SNX29: variants seen among roughly 807,000 people sequenced by gnomAD.
SNX29 encodes sorting nexin-29.
Under a neutral mutation model 102.1 loss-of-function variants are expected in SNX29, and 78 were observed. The observed-to-expected ratio is 0.76, with a 90% CI of 0.64 to 0.92. SNX29 has a LOEUF of 0.92. Among genes scored for constraint, SNX29 ranks in the 40% least tolerant of loss-of-function variants. The pLI, the probability that SNX29 is intolerant of heterozygous loss-of-function variation, is 0.00. For synonymous variants in SNX29, 580 were observed against 414.5 expected (o/e 1.40, Z -4.85); for missense variants, 1,280 against 1,061.7 (o/e 1.21, Z -2.86).
At chr16:12,554,883 A>C (rs1244760141) in intron 20 of SNX29, among the ~76,000 whole-genome samples, 1 of 152,180 alleles carries the variant, frequency 6.6e-6, no homozygotes, top group Non-Finnish European at 1.5e-5. Flanking sequence ...ATATGTCAGC[A>C]TGCCATACAG....
chr16:12,055,138 G>T (rs1163653437), intron 8 of SNX29, among the ~76,000 whole-genome samples: 7 of 151,918 alleles, frequency 4.6e-5, no homozygotes. Flanking sequence ...GATGTGTGTA[G>T]TTCCTTCTCT....
At chr16:12,074,684 T>C (rs939300082) in intron 10 of SNX29, among the ~76,000 whole-genome samples, 3 of 152,166 alleles carry the variant, frequency 2.0e-5, no homozygotes, top group Non-Finnish European at 2.9e-5. Flanking sequence ...TGGCGTTCTC[T>C]GTATTTCCTG....
chr16:12,270,392 A>G (rs1030769798), intron 14 of SNX29, among the ~76,000 whole-genome samples: 4 of 152,210 alleles, frequency 2.6e-5, no homozygotes, highest in Non-Finnish European at 5.9e-5. Context: ...GACGTTACTC[A>G]GACTTTAATT....
At chr16:12,180,014 T>G (rs1352047704) in intron 13 of SNX29, among the ~76,000 whole-genome samples, 1 of 152,334 alleles carries the variant, frequency 6.6e-6, no homozygotes, top group African/African-American at 2.4e-5. Context: ...ATGTGGAACT[T>G]CGGGTCTCTT....
At chr16:12,310,053 C>A (rs1246649634) in intron 15 of SNX29, among the ~76,000 whole-genome samples, 1 of 152,160 alleles carries the variant, frequency 6.6e-6, no homozygotes, top group East Asian at 1.9e-4. Context: ...CATATGTACA[C>A]ACACGCATGC....
At chr16:12,043,119 G>T in intron 5 of SNX29, 42 bp downstream of exon 5, 21 of 1,605,846 alleles carry the variant, frequency 1.3e-5, no homozygotes, top group African/African-American at 2.7e-5. Flanking sequence ...TGGAGCAAGA[G>T]GTGAAGATCT....
chr16:12,549,978 C>T (rs867747312), intron 20 of SNX29, among the ~76,000 whole-genome samples: 6 of 152,230 alleles, frequency 3.9e-5, no homozygotes, highest in South Asian at 2.1e-4. Flanking sequence ...CAGTCATTCA[C>T]ACTTCATGTA....
intron 19 of SNX29, among the ~76,000 whole-genome samples, chr16:12,507,812 A>C: frequency 6.6e-6 from 1 of 151,924 alleles, no homozygotes; most frequent in African/African-American, 2.4e-5. Context: ...TTTGCATTAA[A>C]CTCAAAGGTC....
At chr16:12,334,418 T>A (rs567365173) in intron 15 of SNX29, among the ~76,000 whole-genome samples, 1 of 152,216 alleles carries the variant, frequency 6.6e-6, no homozygotes, top group Non-Finnish European at 1.5e-5. Flanking sequence ...CCGGGTGCAT[T>A]CGAATGTTCT....
At chr16:12,235,323 G>C (rs1460682899) in intron 14 of SNX29, among the ~76,000 whole-genome samples, 1 of 152,090 alleles carries the variant, frequency 6.6e-6, no homozygotes, top group African/African-American at 2.4e-5. Flanking sequence ...CAGGCATCCC[G>C]CAGTGCTCGT....
At chr16:12,288,851 G>A (rs1343159058) in intron 15 of SNX29, among the ~76,000 whole-genome samples, 1 of 152,068 alleles carries the variant, frequency 6.6e-6, no homozygotes, top group Non-Finnish European at 1.5e-5. Flanking sequence ...TCACCTGCCC[G>A]AGGTCATGGG....
intron 13 of SNX29, among the ~76,000 whole-genome samples, chr16:12,182,558 T>C (rs2076411984): frequency 6.6e-6 from 1 of 152,178 alleles, no homozygotes; most frequent in African/African-American, 2.4e-5. Flanking sequence ...AGGGTAGTAC[T>C]GAGGTGGCAG....
At chr16:12,266,330 G>C (rs1362637977) in intron 14 of SNX29, among the ~76,000 whole-genome samples, 1 of 152,124 alleles carries the variant, frequency 6.6e-6, no homozygotes, top group East Asian at 1.9e-4. Flanking sequence ...ACACCAGCCG[G>C]GCTCCCTACA....
At chr16:12,515,620 G>T (rs374227165) in intron 19 of SNX29, 11 of 486,628 alleles carry the variant, frequency 2.3e-5, no homozygotes, top group African/African-American at 9.8e-5. Flanking sequence ...CTCCTCCCAG[G>T]TGCCTTCCTG....
intron 18 of SNX29, among the ~76,000 whole-genome samples, chr16:12,458,759 C>T (rs191729087): frequency 6.6e-6 from 1 of 152,132 alleles, no homozygotes; most frequent in African/African-American, 2.4e-5. Flanking sequence ...CACTCCCCTT[C>T]TCTTCCTGCA....
intron 4 of SNX29, among the ~76,000 whole-genome samples, chr16:12,030,514 C>A (rs1288616041): frequency 6.6e-6 from 1 of 152,202 alleles, no homozygotes; most frequent in African/African-American, 2.4e-5. Context: ...CCACAAAGAG[C>A]ATTGTTTTCT....
intron 1 of SNX29, among the ~76,000 whole-genome samples, chr16:11,996,992 G>T (rs1395381826): frequency 2.6e-5 from 4 of 152,168 alleles, no homozygotes; most frequent in Non-Finnish European, 5.9e-5. Flanking sequence ...TCATTACCAG[G>T]CCTGGGGGTA....
rs117043500 is a variant in SNX29, at chr16:12,448,030, C to A, written c.2038-29689C>A. Among the ~76,000 whole-genome samples, 64 of 152,248 alleles carry A rather than the reference C, an allele frequency of 4.2e-4. No individual in the cohort carries two copies. In the East Asian group the frequency reaches 0.012, roughly 28 times the overall value. On this transcript the variant is annotated intron_variant, in intron 18 of 20. Transcript: ENST00000566228. ...TGGGAATGATGATGATGGTGGCGTT[C>A]CCGGGATTGTGCTGATTGTGGATGT...
intron 14 of SNX29, among the ~76,000 whole-genome samples, chr16:12,221,597 G>T (rs768642390): frequency 1.3e-5 from 2 of 152,232 alleles, no homozygotes; most frequent in Non-Finnish European, 2.9e-5. Flanking sequence ...CTGGGCAACA[G>T]AGCAAGACTG....
Sources: gnomAD v4.1 joint callset for allele counts (sites outside exome capture counted in the v4.1 genomes callset) on GRCh38, gnomAD v4.1.1 for gene constraint, MANE v1.5 for transcripts, NCBI Gene and HGNC (gene_info 2026-07-23, HGNC 2026-07-21) for gene names.